The following UBP1 variants were observed in gnomAD, a reference collection of about 807,000 sequenced individuals.
UBP1 encodes upstream-binding protein 1.
A neutral mutation model predicts 76.1 loss-of-function variants in UBP1; 22 were observed. The ratio of observed to expected loss-of-function variants is 0.29; its 90% CI spans 0.21 to 0.41. The LOEUF (loss-of-function observed/expected upper bound fraction) is 0.41, where lower values mean the gene tolerates loss of function less well. UBP1 is among the 10% of genes least tolerant of loss of function. The pLI, the probability that UBP1 is intolerant of heterozygous loss-of-function variation, is 1.00. For missense variants in UBP1, 436 were observed against 668.1 expected (o/e 0.65, Z 3.83); for synonymous variants, 224 against 237.1 (o/e 0.94, Z 0.51).
chr3:33,439,907 G>A lies in UBP1; in HGVS notation c.-59C>T. ...CCTCCGCGTCCAGGGCGAAGGAGCC[G>A]GAGCTCCGCTGGCGCGTCCTGGGGG... On this transcript the variant is annotated 5_prime_UTR_variant, in exon 1 of 16. Transcript: ENST00000283629. 3 of 1,592,654 alleles carry A rather than the reference G, an allele frequency of 1.9e-6. No individual in the cohort carries two copies. The highest frequency in any genetic ancestry group is 1.4e-5 in the African/African-American group (1 of 73,764).
rs983635045 is a variant in UBP1 at position 33,389,916 on chromosome 3, G to C, written c.*415C>G. On this transcript the variant is annotated 3_prime_UTR_variant, in exon 16 of 16. Transcript: ENST00000283629. The stretch of plus-strand genomic sequence containing the variant: ...AGCACTGTCCCCCATCTCCTCTCCA[G>C]GTCAGCATAAGGTTCAGGCAATAAA... 2 of 167,978 alleles carry C rather than the reference G, an allele frequency of 1.2e-5. No individual in the cohort carries two copies. Among genetic ancestry groups the C allele is most frequent in the African/African-American group, 4.8e-5 (2 of 42,018 alleles). The allele number at this position is 167,978 out of a possible 1,614,324, so 10.4% of individuals were successfully genotyped here.
At position 33,396,183 on chromosome 3, in the gene UBP1, T is replaced by C. The variant is rs763871782; in HGVS notation, c.1369A>G (p.Asn457Asp). 1.8e-5 allele frequency: 28 copies of C among 1,584,536 alleles called. No homozygotes were observed. Among genetic ancestry groups the C allele is most frequent in the Non-Finnish European group, 2.3e-5 (27 of 1,156,824 alleles). The change falls in exon 13 of 16, where the codon AAT (asparagine) becomes GAT (aspartate). Residue 457 changes from asparagine to aspartate, a missense_variant. Physicochemically the swap from Asn to Asp is conservative, Grantham distance 23. Transcript: ENST00000283629. The part of the protein sequence containing the change: ...QQQAASSASE[N>D]GSGAPYVYHA... The stretch of plus-strand genomic sequence containing the variant: ...CTACCATAGGGTGCCCCACTGCCAT[T>C]CTCGCTTGCACTGCTTGCAGCTTGC...
At chr3:33,404,431 A>T (rs1159277642) in intron 8 of UBP1, among the ~76,000 whole-genome samples, 2 of 151,910 alleles carry the variant, frequency 1.3e-5, no homozygotes, top group Non-Finnish European at 2.9e-5. Flanking sequence ...GAAAATAGAT[A>T]AATAAGTAAA....
chr3:33,439,568 G>C (rs570875010), intron 1 of UBP1, among the ~76,000 whole-genome samples, 168 bp downstream of exon 1: 77 of 152,318 alleles, frequency 5.1e-4, no homozygotes, highest in African/African-American at 1.7e-3. Flanking sequence ...AGGGCGAGCA[G>C]AGGCCTTTGG....
chr3:33,419,628 C>CAAA (rs34615713), intron 2 of UBP1, among the ~76,000 whole-genome samples: 8,005 of 100,546 alleles, frequency 0.08, 851 homozygotes, highest in African/African-American at 0.25. Context: ...GACTCCATCT[C>CAAA]AAAAAAAAAA....
Position 33,397,124 on chromosome 3 carries a change from A to C in UBP1, c.1192T>G (p.Leu398Val). ...ACTAAATCCTCCTTTGTCAGTTTTA[A>C]TAAGTCGGCACCTAGAGAAGAGCAA... ...LFSNFSGADL[L>V]KLTKEDLVQI... The change falls in exon 12 of 16, where the codon TTA becomes GTA. Residue 398 changes from leucine to valine, a missense_variant. Leu to Val is a conservative substitution (Grantham distance 32). Transcript: ENST00000283629. 1 of 1,595,564 alleles carries C rather than the reference A, an allele frequency of 6.3e-7. No homozygotes were observed. Among genetic ancestry groups the C allele is most frequent in the Non-Finnish European group, 8.5e-7 (1 of 1,174,564 alleles).
At chr3:33,413,818 A>G in intron 3 of UBP1, among the ~76,000 whole-genome samples, 1 of 152,072 alleles carries the variant, frequency 6.6e-6, no homozygotes, top group Non-Finnish European at 1.5e-5. Context: ...ATTACCCAGC[A>G]CCCACTTCAC....
At chr3:33,401,782 T>C (rs927041649) in intron 9 of UBP1, among the ~76,000 whole-genome samples, 2 of 152,220 alleles carry the variant, frequency 1.3e-5, no homozygotes, top group Admixed American at 6.5e-5. Context: ...TCCAGTCTAC[T>C]AGTGAGTACA....
intron 1 of UBP1, among the ~76,000 whole-genome samples, chr3:33,427,934 A>G (rs994256269): frequency 2.6e-5 from 4 of 152,166 alleles, no homozygotes; most frequent in Non-Finnish European, 4.4e-5. Flanking sequence ...ACTCACACCT[A>G]TAATTCCAGC....
At chr3:33,439,584 C>G in intron 1 of UBP1, 152 bp downstream of exon 1, 3 of 812,248 alleles carry the variant, frequency 3.7e-6, no homozygotes, top group Non-Finnish European at 5.6e-6. Flanking sequence ...TTTGGGGTTC[C>G]ATGGCCCCCG....
intron 12 of UBP1, chr3:33,396,562 G>GT (rs1475837821): frequency 1.2e-5 from 5 of 427,404 alleles, no homozygotes; most frequent in Non-Finnish European, 2.1e-5. Context: ...TTAAAAATCA[G>GT]TAAGATTCAA....
chr3:33,408,135 G>A (rs2044476872), intron 8 of UBP1, among the ~76,000 whole-genome samples: 2 of 151,586 alleles, frequency 1.3e-5, no homozygotes, highest in Admixed American at 1.3e-4. Flanking sequence ...TTTTCTACCA[G>A]TGCTGCCAAA....
intron 12 of UBP1, 38 bp downstream of exon 12, chr3:33,397,007 C>A: frequency 6.4e-7 from 1 of 1,561,542 alleles, no homozygotes; most frequent in Non-Finnish European, 8.8e-7. Context: ...AAGAAAGGTA[C>A]ATTCTTATTT....
upstream of UBP1, chr3:33,440,799 T>C (rs1020719669): frequency 1.3e-5 from 2 of 152,246 alleles, no homozygotes; most frequent in African/African-American, 4.8e-5. Flanking sequence ...AAGAGTTCAT[T>C]GGACTGCATG....
intron 1 of UBP1, among the ~76,000 whole-genome samples, chr3:33,437,972 T>A (rs1298617831): frequency 6.6e-6 from 1 of 152,188 alleles, no homozygotes; most frequent in East Asian, 1.9e-4. Context: ...GGTAATTACC[T>A]TCAAACTTCT....
At chr3:33,396,995 C>T (rs200821768) in intron 12 of UBP1, 50 bp downstream of exon 12, 215 of 1,535,350 alleles carry the variant, frequency 1.4e-4, no homozygotes, top group Non-Finnish European at 1.8e-4. Flanking sequence ...ATTCCCCACG[C>T]GAAGAAAGGT....
In UBP1 at chr3:33,440,327, G is replaced by T. The variant is rs116528657; in HGVS notation, c.-479C>A. On this transcript the variant is annotated 5_prime_UTR_variant, in exon 1 of 16. Transcript: ENST00000283629. ...CCAGGCTCTAGCGCCACACCGCCCC[G>T]GCCAACCCCGCCGACGCCGCTCTGC... 27,442 of 123,738 alleles carry T rather than the reference G, an allele frequency of 0.22. 3,152 individuals carry two copies. Among genetic ancestry groups the T allele is most frequent in the East Asian group, 0.52 (2,380 of 4,546 alleles). 7.7% of individuals were successfully genotyped at this position (123,738 alleles called of 1,614,324 possible).
At chr3:33,437,334 G>A (rs986373908) in intron 1 of UBP1, among the ~76,000 whole-genome samples, 1 of 152,230 alleles carries the variant, frequency 6.6e-6, no homozygotes, top group East Asian at 1.9e-4. Flanking sequence ...TGCAATCATA[G>A]CACACACTAC....
rs778550313 is a variant in UBP1, at chr3:33,400,975, T to A, written c.1073A>T (p.Gln358Leu). The A allele has an allele frequency of 1.2e-5, 19 of 1,595,902 alleles. No individual in the cohort carries two copies. The African/African-American group carries it at 1.9e-4, about 16-fold the overall frequency. Residue 358 changes from glutamine to leucine, a missense_variant, in exon 10 of 16, where the codon CAG becomes CTG. By Grantham distance (113) the Gln-to-Leu change is moderately radical (BLOSUM62 -2). Around this residue, in one of 3 missense-constraint regions of UBP1, gnomAD observed 210 missense variants for 272.8 expected, o/e 0.77. Transcript: ENST00000283629. ...AAAGATACTTACTTCACCAGAGGTC[T>A]GTGAAGCTCCATCTCCCTGATGATT... The part of the protein sequence containing the change: ...SPNHQGDGAS[Q>L]TSGEQIQPSA...
Sources: gnomAD v4.1 joint callset for allele counts (sites outside exome capture counted in the v4.1 genomes callset) on GRCh38, gnomAD v4.1.1 for gene constraint, gnomAD v4.1.1 regional missense constraint, MANE v1.5 for transcripts, NCBI Gene and HGNC (gene_info 2026-07-23, HGNC 2026-07-21) for gene names.